Variants in CARNMT1 observed in about 807,000 individuals in gnomAD.
CARNMT1 encodes the protein carnosine N-methyltransferase 1.
A neutral mutation model predicts 49.6 loss-of-function variants in CARNMT1; 28 were observed. The ratio of observed to expected loss-of-function variants is 0.56; its 90% confidence interval spans 0.42 to 0.77. The LOEUF (loss-of-function observed/expected upper bound fraction) is 0.77, where lower values mean the gene tolerates loss of function less well. Ranked by LOEUF, CARNMT1 falls within the 30% of genes least tolerant of loss-of-function variation. CARNMT1 has a pLI of 0.00. For missense variants in CARNMT1, 421 were observed against 512.6 expected (o/e 0.82, Z 1.73); for synonymous variants, 178 against 175.0 (o/e 1.02, Z -0.13).
At chr9:75,026,147 GT>G (rs1017311037) in intron 1 of CARNMT1, among the ~76,000 whole-genome samples, 4 of 151,764 alleles carry the variant, frequency 2.6e-5, no homozygotes, top group Admixed American at 6.6e-5. Flanking sequence ...AATAAAAACT[GT>G]TTTTTTTAAA....
At chr9:75,007,167 G>A (rs537842954) in intron 3 of CARNMT1, among the ~76,000 whole-genome samples, 1 of 152,230 alleles carries the variant, frequency 6.6e-6, no homozygotes, top group South Asian at 2.1e-4. Context: ...ACTTTATAAA[G>A]CAGGGCACTG....
At chr9:74,990,617 C>G (rs1029481330) in intron 6 of CARNMT1, among the ~76,000 whole-genome samples, 1 of 152,126 alleles carries the variant, frequency 6.6e-6, no homozygotes, top group South Asian at 2.1e-4. Flanking sequence ...AGACAAAATA[C>G]CACTTCGGTG....
At chr9:74,998,830 T>C (rs1327414000) in intron 4 of CARNMT1, 54 bp from the exon 5 acceptor site, 10 of 1,141,244 alleles carry the variant, frequency 8.8e-6, no homozygotes, top group Non-Finnish European at 9.6e-6. Context: ...ACCAAGAAAA[T>C]CCACTTTAAA....
chr9:75,006,410 T>C (rs1336217225), intron 3 of CARNMT1, among the ~76,000 whole-genome samples: 2 of 152,212 alleles, frequency 1.3e-5, no homozygotes, highest in Non-Finnish European at 2.9e-5. Flanking sequence ...ACGATTTTAA[T>C]ATTGATGCAG....
Position 75,028,092 on chromosome 9 carries a change from GGCC to G in CARNMT1, c.147_149del (p.Ala50del), listed in dbSNP as rs1188697207. On this transcript the variant is annotated inframe_deletion, in exon 1 of 8. Coordinates refer to ENST00000376834, the MANE Select transcript of CARNMT1 (RefSeq NM_152420.3). ...CCTCCTCCTCCTCGGTGCTGCGCGT[GGCC>G]GCCGCCGCTGCCGCCGAAACCGCCG... 1.3e-6 allele frequency: 2 copies of G among 1,554,732 alleles called. No individual in the cohort carries two copies. Among genetic ancestry groups the G allele is most frequent in the East Asian group, 2.6e-5 (1 of 38,990 alleles).
rs79250209 is a variant in CARNMT1 at position 74,989,808 on chromosome 9, A to G, written c.1025-4798T>C. 6.9e-3 allele frequency among the ~76,000 whole-genome samples: 1,044 copies of G among 152,334 alleles called. 7 individuals carry two copies. Among genetic ancestry groups the G allele is most frequent in the African/African-American group, 0.019 (795 of 41,580 alleles). Reference sequence around the variant, plus strand: ...TCAAAGTCAACAGCACAGAGAAACAAGGAATCATGAACAAGAACCAAGAAA... The same window carrying G: ...TCAAAGTCAACAGCACAGAGAAACAGGGAATCATGAACAAGAACCAAGAAA... On this transcript the variant is annotated intron_variant, in intron 6 of 7. Transcript: ENST00000376834.
At chr9:75,015,970 A>G (rs1833835751) in intron 3 of CARNMT1, 3 of 226,472 alleles carry the variant, frequency 1.3e-5, no homozygotes, top group Non-Finnish European at 2.6e-5. Flanking sequence ...TTAAAAGTTT[A>G]GTTTTTTTGC....
rs554788197 is a variant in CARNMT1 at position 74,993,379 on chromosome 9, A to G, written c.1024+3068T>C. Among the ~76,000 whole-genome samples the G allele has an allele frequency of 2.6e-5, 4 of 152,350 alleles. No individual in the cohort carries two copies. In the South Asian group the frequency reaches 8.3e-4, roughly 32 times the overall value. ...CTTGAGGTCAGAGAAGGGGTGGTAA[A>G]AAATAATCCTGAAGGTAAAAAACAT... On this transcript the variant is annotated intron_variant, in intron 6 of 7. Transcript: ENST00000376834.
rs1410549423 is a variant in CARNMT1, at chr9:74,982,121, C to G, written c.*1646G>C. On this transcript the variant is annotated 3_prime_UTR_variant, in exon 8 of 8. Transcript: ENST00000376834. Reference sequence around the variant, plus strand: ...TAGTGAGAGTAAAGGTCACAAAAGTCCCATCACTGTACACGGAAAAGGTCC... The same window carrying G: ...TAGTGAGAGTAAAGGTCACAAAAGTGCCATCACTGTACACGGAAAAGGTCC... 6.6e-6 allele frequency: 1 copy of G among 151,906 alleles called. No individual in the cohort carries two copies. Among genetic ancestry groups the G allele is most frequent in the African/African-American group, 2.4e-5 (1 of 41,368 alleles). The allele number at this position is 151,906 out of a possible 1,614,324, so 9.4% of individuals were successfully genotyped here.
chr9:75,022,197 C>CAGGTGAGA (rs1822386242), intron 1 of CARNMT1, among the ~76,000 whole-genome samples: 1 of 147,888 alleles, frequency 6.8e-6, no homozygotes, highest in African/African-American at 2.5e-5. Flanking sequence ...CCAGAATTAC[C>CAGGTGAGA]AGGTGAGAAG....
In CARNMT1 at chr9:74,987,948, G is replaced by A. The variant is rs188684593; in HGVS notation, c.1025-2938C>T. Among the ~76,000 whole-genome samples, 189 of 152,206 alleles carry A rather than the reference G, an allele frequency of 1.2e-3. 2 individuals carry two copies. Among genetic ancestry groups the A allele is most frequent in the Non-Finnish European group, 2.1e-4 (14 of 68,000 alleles). ...CTAGTTGCCCATTCTTTAAACAAAT[G>A]TTTACCAAGCACCTAGCTAATGTCT... On this transcript the variant is annotated intron_variant, in intron 6 of 7. Coordinates refer to ENST00000376834, the MANE Select transcript of CARNMT1 (RefSeq NM_152420.3).
chr9:75,014,064 A>G (rs887845028), intron 3 of CARNMT1, among the ~76,000 whole-genome samples: 9 of 151,860 alleles, frequency 5.9e-5, no homozygotes, highest in African/African-American at 2.2e-4. Context: ...AAGGATGAAT[A>G]AACAAGATGC....
intron 6 of CARNMT1, among the ~76,000 whole-genome samples, chr9:74,986,276 T>C (rs898184113): frequency 6.6e-6 from 1 of 152,212 alleles, no homozygotes; most frequent in African/African-American, 2.4e-5. Flanking sequence ...AGGCTTAACA[T>C]TCTGTGGATC....
chr9:75,006,550 G>A (rs1336684733), intron 3 of CARNMT1, among the ~76,000 whole-genome samples: 1 of 152,074 alleles, frequency 6.6e-6, no homozygotes, highest in Non-Finnish European at 1.5e-5. Context: ...AAAAAACAGT[G>A]TAATAGATAT....
At chr9:75,004,470 A>G (rs1240797730) in intron 3 of CARNMT1, among the ~76,000 whole-genome samples, 1 of 152,166 alleles carries the variant, frequency 6.6e-6, no homozygotes, top group Non-Finnish European at 1.5e-5. Flanking sequence ...TAGATCTGTA[A>G]GCACTTGAAA....
At chr9:75,001,495 G>A (rs1255334834) in intron 3 of CARNMT1, among the ~76,000 whole-genome samples, 15 of 152,146 alleles carry the variant, frequency 9.9e-5, no homozygotes, top group Admixed American at 9.8e-4. Context: ...GTCACAGAAT[G>A]AAGAATATAT....
At chr9:75,016,635 C>A in intron 2 of CARNMT1, 1 of 524,820 alleles carries the variant, frequency 1.9e-6, no homozygotes, top group South Asian at 2.9e-5. Context: ...AGATTAAGGT[C>A]CATTAATCAT....
chr9:75,006,309 C>A (rs987232784), intron 3 of CARNMT1, among the ~76,000 whole-genome samples: 4 of 152,184 alleles, frequency 2.6e-5, no homozygotes, highest in African/African-American at 9.7e-5. Context: ...ACCTCAGCCT[C>A]CCAAAGTGCT....
chr9:75,010,824 A>AATGGTGGGGAGG (rs1833669167), intron 3 of CARNMT1, among the ~76,000 whole-genome samples: 1 of 151,848 alleles, frequency 6.6e-6, no homozygotes, highest in South Asian at 2.1e-4. Flanking sequence ...TGGTGGGGAG[A>AATGGTGGGGAGG]ATGGGGAGTA....
Sources: allele counts gnomAD v4.1 joint callset (sites outside exome capture counted in the v4.1 genomes callset), GRCh38; gene constraint gnomAD v4.1.1; transcripts MANE v1.5; gene names NCBI Gene and HGNC (gene_info 2026-07-23, HGNC 2026-07-21).